Variants in TTC31 observed in about 807,000 individuals in gnomAD.
TTC31 encodes the protein tetratricopeptide repeat protein 31.
In TTC31, 59 loss-of-function variants were observed where a neutral mutation model predicts 60.4. The observed-to-expected ratio is 0.98, with a 90% CI of 0.79 to 1.21. The LOEUF is 1.21. TTC31 is among the 50% of genes most tolerant of loss of function. The pLI, the probability that TTC31 is intolerant of heterozygous loss-of-function variation, is 0.00. For missense variants in TTC31, 672 were observed against 646.9 expected, an observed-to-expected ratio of 1.04 and a Z score of -0.42; for synonymous variants, 225 against 249.6, an observed-to-expected ratio of 0.90 and a Z score of 0.93.
In TTC31 at chr2:74,490,315, G is replaced by C. The variant is rs762900858; in HGVS notation, c.304G>C (p.Gly102Arg). ...GQSDRGKGAE[G>R]LGTYCGLRKS... ...GAGTGACAGGGGCAAGGGGGCTGAGGGACTGGGCACCTACTGTGGTCTCCG... is the reference window on the plus strand; with the variant it reads ...GAGTGACAGGGGCAAGGGGGCTGAGCGACTGGGCACCTACTGTGGTCTCCG... Residue 102 changes from glycine (G) to arginine (R), a missense_variant, in exon 4 of 13, where the codon GGA (glycine) becomes CGA (arginine). Physicochemically the swap from Gly to Arg is moderately radical, Grantham distance 125. Transcript: ENST00000233623. 10 of 1,614,010 alleles carry C rather than the reference G, an allele frequency of 6.2e-6. No homozygotes were observed. Among genetic ancestry groups the C allele is most frequent in the Non-Finnish European group, 7.6e-6 (9 of 1,180,010 alleles).
At chr2:74,487,613 G>T (rs1673283086) in intron 2 of TTC31, among the ~76,000 whole-genome samples, 1 of 151,982 alleles carries the variant, frequency 6.6e-6, no homozygotes, top group African/African-American at 2.4e-5. Context: ...ATATTTGAGT[G>T]GCACATCCTG....
chr2:74,492,873 C>A (rs763527693), intron 12 of TTC31, 49 bp from the exon 13 acceptor site: 13 of 1,582,778 alleles, frequency 8.2e-6, no homozygotes, highest in Non-Finnish European at 1.1e-5. Context: ...GAGGCATGGG[C>A]TCTCCTGCTT....
intron 2 of TTC31, among the ~76,000 whole-genome samples, chr2:74,485,850 C>T (rs1264135164): frequency 6.6e-6 from 1 of 151,974 alleles, no homozygotes; most frequent in Admixed American, 6.6e-5. Flanking sequence ...GTGATCCACC[C>T]TCCTTGACTT....
intron 2 of TTC31, among the ~76,000 whole-genome samples, chr2:74,484,743 C>T (rs1449485579): frequency 6.6e-6 from 1 of 152,112 alleles, no homozygotes; most frequent in African/African-American, 2.4e-5. Flanking sequence ...AGGTGTGAGC[C>T]ACCATGCCCG....
chr2:74,490,199 C>G, intron 3 of TTC31, 45 bp from the exon 4 acceptor site: 2 of 1,610,736 alleles, frequency 1.2e-6, no homozygotes, highest in Non-Finnish European at 1.7e-6. Flanking sequence ...AGATGCACCC[C>G]GCTCTCATGT....
At chr2:74,489,880 G>A (rs947048514) in intron 2 of TTC31, 145 bp from the exon 3 acceptor site, 52 of 639,776 alleles carry the variant, frequency 8.1e-5, no homozygotes, top group Non-Finnish European at 1.3e-4. Context: ...GTGCTGAGGA[G>A]GGAGAGGTCA....
In TTC31 at chr2:74,492,148, C is replaced by G. The variant is rs370846606; in HGVS notation, c.938C>G (p.Thr313Ser). The change falls in exon 10 of 13, where the codon ACC becomes AGC. Residue 313 changes from threonine (T) to serine (S), a missense_variant. Coordinates refer to ENST00000233623, the MANE Select transcript of TTC31 (RefSeq NM_022492.6). ...CCTCTTTCCTTTCCAGAGTTGGGTA[C>G]CAGCTTTGCTCAAAATGGTTTCTAC... ...QQSQELAKLG[T>S]SFAQNGFYHE... 8 of 1,614,106 alleles carry G rather than the reference C, an allele frequency of 5.0e-6. No homozygotes were observed. The highest frequency in any genetic ancestry group is 1.3e-5 in the African/African-American group (1 of 74,920).
Position 74,492,630 on chromosome 2 carries a change from C to T in TTC31, c.1162-16C>T, listed in dbSNP as rs753736041. On this transcript the variant is annotated splice_polypyrimidine_tract_variant and intron_variant, in intron 11 of 12. Transcript: ENST00000233623. Reference sequence around the variant, plus strand: ...TGACACCTAATCTTTTCTTTCTGATCCCTCTGGGACCAAAGCGCTTCAGAG... The same window carrying T: ...TGACACCTAATCTTTTCTTTCTGATTCCTCTGGGACCAAAGCGCTTCAGAG... 2 of 1,613,372 alleles carry T rather than the reference C, an allele frequency of 1.2e-6. No individual in the cohort carries two copies. The highest frequency in any genetic ancestry group is 1.7e-5 in the Admixed American group (1 of 59,812).
chr2:74,490,284 T>C lies in TTC31; in HGVS notation c.273T>C (p.Thr91=). Residue 91 remains threonine, a synonymous_variant, in exon 4 of 13, where the codon ACT becomes ACC. Coordinates refer to ENST00000233623, the MANE Select transcript of TTC31 (RefSeq NM_022492.6). The part of the protein sequence containing the change: ...LGHLDDEGKS[T]GQSDRGKGAE... ...ACTTGGATGATGAAGGGAAATCAAC[T>C]GGACAGAGTGACAGGGGCAAGGGGG... 6.2e-7 allele frequency: 1 copy of C among 1,614,112 alleles called. No homozygotes were observed. The highest frequency in any genetic ancestry group is 8.5e-7 in the Non-Finnish European group (1 of 1,179,998).
intron 2 of TTC31, 89 bp downstream of exon 2, chr2:74,483,499 C>T: frequency 1.9e-6 from 3 of 1,595,822 alleles, no homozygotes; most frequent in Non-Finnish European, 2.6e-6. Flanking sequence ...GACGGATGGG[C>T]GCCAGACGGG....
At chr2:74,487,403 G>A (rs913049739) in intron 2 of TTC31, among the ~76,000 whole-genome samples, 11 of 152,078 alleles carry the variant, frequency 7.2e-5, no homozygotes, top group African/African-American at 2.7e-4. Flanking sequence ...ATTTTTAGTA[G>A]AGACGGGTTT....
At chr2:74,491,430 C>T (rs1460461386) in intron 7 of TTC31, 51 bp from the exon 8 acceptor site, 4 of 1,613,608 alleles carry the variant, frequency 2.5e-6, no homozygotes, top group African/African-American at 2.7e-5. Context: ...CCTCCTCCTC[C>T]AGAATGTACT....
chr2:74,492,900 G>C (rs2104277531), intron 12 of TTC31, 22 bp from the exon 13 acceptor site: 1 of 1,588,776 alleles, frequency 6.3e-7, no homozygotes, highest in Non-Finnish European at 8.6e-7. Context: ...AGGATCTGGT[G>C]CCCTTCTCTC....
chr2:74,491,080 C>A, intron 5 of TTC31, 48 bp from the exon 6 acceptor site: 2 of 1,607,666 alleles, frequency 1.2e-6, no homozygotes, highest in Non-Finnish European at 1.7e-6. Flanking sequence ...CAGCACACGA[C>A]ATACAGTAAG....
In TTC31 at chr2:74,492,914, C is replaced by T. The variant is rs186817027; in HGVS notation, c.1264-8C>T. Reference sequence around the variant, plus strand: ...AAGGATCTGGTGCCCTTCTCTCTCCCTTCTCAGCAGGGTCAGCGAGGAGGA... The same window carrying T: ...AAGGATCTGGTGCCCTTCTCTCTCCTTTCTCAGCAGGGTCAGCGAGGAGGA... On this transcript the variant is annotated splice_region_variant and splice_polypyrimidine_tract_variant and intron_variant, in intron 12 of 12. Transcript: ENST00000233623. 7.5e-6 allele frequency: 12 copies of T among 1,596,362 alleles called. No individual in the cohort carries two copies. The East Asian group carries it at 2.7e-4, about 36-fold the overall frequency.
Position 74,483,436 on chromosome 2 carries a change from AG to A in TTC31, c.129+27del, listed in dbSNP as rs778464092. 8 of 1,613,960 alleles carry A rather than the reference AG, an allele frequency of 5.0e-6. No individual in the cohort carries two copies. In the African/African-American group the frequency reaches 1.1e-4, roughly 22 times the overall value. ...GTAAAAGCGACCCTCAGTTTCCCCC[AG>A]TCCTGCTCATTTTGGTCACGCCTCT... On this transcript the variant is annotated intron_variant, in intron 2 of 12. Coordinates refer to ENST00000233623, the MANE Select transcript of TTC31 (RefSeq NM_022492.6).
At chr2:74,491,404 C>T (rs891613999) in intron 7 of TTC31, 29 bp downstream of exon 7, 1 of 1,614,142 alleles carries the variant, frequency 6.2e-7, no homozygotes, top group East Asian at 2.2e-5. Context: ...CCTTCTTGGT[C>T]TCTGCTCATT....
Position 74,490,406 on chromosome 2 carries a change from C to G in TTC31, c.395C>G (p.Thr132Ser). The G allele has an allele frequency of 6.2e-7, 1 of 1,614,042 alleles. No homozygotes were observed. The highest frequency in any genetic ancestry group is 8.5e-7 in the Non-Finnish European group (1 of 1,179,992). Residue 132 changes from threonine (T) to serine (S), a missense_variant, in exon 4 of 13, where the codon ACC (threonine) becomes AGC (serine). Coordinates refer to ENST00000233623, the MANE Select transcript of TTC31 (RefSeq NM_022492.6). The stretch of plus-strand genomic sequence containing the variant: ...CCTCAAAGCCCCTCTGCCTCTGCCA[C>G]CTTCCCCAGTGTCTCAGACAGCCTG... ...PCPQSPSASA[T>S]FPSVSDSLLQ...
intron 2 of TTC31, 22 bp from the exon 3 acceptor site, chr2:74,490,003 C>CACCCCA: frequency 6.7e-7 from 1 of 1,491,014 alleles, no homozygotes; most frequent in East Asian, 2.5e-5. Context: ...CCAGCCTCCC[C>CACCCCA]TCCCCTCCCC....
Sources: allele counts gnomAD v4.1 joint callset (sites outside exome capture counted in the v4.1 genomes callset), GRCh38; gene constraint gnomAD v4.1.1; transcripts MANE v1.5; gene names NCBI Gene and HGNC (gene_info 2026-07-23, HGNC 2026-07-21).